ATAD2: variants seen among roughly 807,000 people sequenced by gnomAD.
ATAD2 encodes ATPase family AAA domain containing 2, also known as ATPase family AAA domain-containing protein 2.
In ATAD2, 62 loss-of-function variants were observed where a neutral mutation model predicts 168.9. The observed-to-expected ratio is 0.37, with a 90% CI of 0.30 to 0.45. The LOEUF is 0.45. ATAD2 is among the 20% of genes least tolerant of loss of function. The probability of loss-of-function intolerance (pLI) is 1.00; values close to 1 mark genes in which losing one functional copy is unlikely to be tolerated. For synonymous variants in ATAD2, 613 were observed against 571.6 expected (o/e 1.07, Z -1.03); for missense variants, 1,419 against 1,667.8 (o/e 0.85, Z 2.60).
chr8:123,405,258 TTC>T (rs1489215288), intron 1 of ATAD2, among the ~76,000 whole-genome samples: 3 of 78,492 alleles, frequency 3.8e-5, no homozygotes, highest in African/African-American at 1.2e-4. Flanking sequence ...TTTTCTTTCT[TTC>T]TTTTTTTTTT....
intron 1 of ATAD2, among the ~76,000 whole-genome samples, chr8:123,388,615 C>T (rs1586903535): frequency 6.6e-6 from 1 of 152,032 alleles, no homozygotes; most frequent in East Asian, 1.9e-4. Flanking sequence ...AACTCCTCGG[C>T]TCAAGTTATC....
chr8:123,413,034 C>T (rs1813184279), intron 1 of ATAD2, among the ~76,000 whole-genome samples: 1 of 151,990 alleles, frequency 6.6e-6, no homozygotes, highest in Admixed American at 6.6e-5. Flanking sequence ...ACTCAGAAGT[C>T]CTTCTCAAGG....
chr8:123,396,253 G>T lies in ATAD2; in HGVS notation c.105C>A (p.Gly35=), dbSNP rs1243881405. Residue 35 remains glycine, a synonymous_variant, in exon 1 of 28, where the codon GGC becomes GGA. Coordinates refer to ENST00000287394, the MANE Select transcript of ATAD2 (RefSeq NM_014109.4). ...SSDFLSLEHI[G]RRRLRSAGAA... ...CGCCGGCCGAGCGGAGCCGCCTCCG[G>T]CCGATGTGCTCCAGACTGAGGAAGT... 2 of 1,609,282 alleles carry T rather than the reference G, an allele frequency of 1.2e-6. No homozygotes were observed. The highest frequency in any genetic ancestry group is 1.7e-6 in the Non-Finnish European group (2 of 1,179,232).
At chr8:123,382,452 A>G (rs545377781) in intron 1 of ATAD2, among the ~76,000 whole-genome samples, 6 of 152,368 alleles carry the variant, frequency 3.9e-5, no homozygotes, top group African/African-American at 1.4e-4. Flanking sequence ...TATTTTTAAG[A>G]CAAATATTTA....
chr8:123,409,801 T>A (rs1038456599), intron 1 of ATAD2, among the ~76,000 whole-genome samples: 1 of 151,730 alleles, frequency 6.6e-6, no homozygotes, highest in African/African-American at 2.4e-5. Context: ...CCGGGTGTCG[T>A]GGCACACATC....
At position 123,347,395 on chromosome 8, in the gene ATAD2, C is replaced by T; in HGVS notation, c.1909G>A (p.Ala637Thr). ...TCAGCACATATTGATTTAATATCTGCTCCACAGTATCCTATCCAAAGCAAC... is the reference window on the plus strand; with the variant it reads ...TCAGCACATATTGATTTAATATCTGTTCCACAGTATCCTATCCAAAGCAAC... ...LAENCVGYCG[A>T]DIKSICAEAA... The change falls in exon 16 of 28, where the codon GCA becomes ACA. Residue 637 changes from alanine to threonine, a missense_variant. This residue lies in a region of ATAD2 where 545 missense variants were observed against 724.9 expected (regional missense o/e 0.75). Transcript: ENST00000287394. The T allele has an allele frequency of 6.2e-7, 1 of 1,609,848 alleles. No homozygotes were observed. Among genetic ancestry groups the T allele is most frequent in the Non-Finnish European group, 8.5e-7 (1 of 1,177,922 alleles).
Position 123,372,652 on chromosome 8 carries a change from CTTTT to C in ATAD2, c.351_354del (p.Glu119SerfsTer7). The C allele has an allele frequency of 6.4e-7, 1 of 1,565,888 alleles. No individual in the cohort carries two copies. Among genetic ancestry groups the C allele is most frequent in the Non-Finnish European group, 8.7e-7 (1 of 1,151,108 alleles). ...CAGTACTTACCTTCTCTGTGCTCTTCTTTTTTTTTATCAGCCTGCTGTCTGGCCA... is the reference window on the plus strand; with the variant it reads ...CAGTACTTACCTTCTCTGTGCTCTTCTTTTTATCAGCCTGCTGTCTGGCCA... On this transcript the variant is annotated frameshift_variant, in exon 3 of 28. Transcript: ENST00000287394. LOFTEE classifies it high-confidence loss of function.
intron 19 of ATAD2, among the ~76,000 whole-genome samples, chr8:123,342,218 AAGTG>A (rs773144003): frequency 1.3e-5 from 2 of 152,390 alleles, no homozygotes; most frequent in East Asian, 3.9e-4. Flanking sequence ...AGTATTGTTA[AAGTG>A]AGTAAGAAAT....
At chr8:123,345,188 A>T in intron 18 of ATAD2, 119 bp from the exon 19 acceptor site, 1 of 814,638 alleles carries the variant, frequency 1.2e-6, no homozygotes, top group Non-Finnish European at 1.7e-6. Flanking sequence ...TCAAGTTTTT[A>T]AAATGCTTCT....
At chr8:123,337,933 A>C (rs1326810589) in intron 20 of ATAD2, 112 bp from the exon 21 acceptor site, 1 of 991,868 alleles carries the variant, frequency 1.0e-6, no homozygotes, top group Non-Finnish European at 1.4e-6. Context: ...CATATATGCA[A>C]GGAATCCAAA....
In ATAD2 at chr8:123,396,312, C is replaced by T; in HGVS notation, c.46G>A (p.Ala16Thr). ...SSLELHNHSA[A>T]SATGSLDLSS... ...AGGTCCAAGGAGCCCGTGGCCGAGG[C>T]CGCGGAGTGGTTGTGCAGCTCCAAG... The change falls in exon 1 of 28, where the codon GCC (alanine) becomes ACC (threonine). Residue 16 changes from alanine to threonine, a missense_variant. Physicochemically the swap from Ala to Thr is moderately conservative, Grantham distance 58. Around this residue, in one of 5 missense-constraint regions of ATAD2, gnomAD observed 419 missense variants for 423.5 expected, o/e 0.99. Coordinates refer to ENST00000287394, the MANE Select transcript of ATAD2 (RefSeq NM_014109.4). 6.2e-7 allele frequency: 1 copy of T among 1,609,614 alleles called. No homozygotes were observed.
chr8:123,339,277 A>G (rs762156708), intron 20 of ATAD2, 34 bp downstream of exon 20: 2 of 1,450,460 alleles, frequency 1.4e-6, no homozygotes, highest in Non-Finnish European at 1.9e-6. Context: ...CTTTCTCAAA[A>G]TTATTAAATA....
At chr8:123,401,674 G>C in intron 1 of ATAD2, 6 of 787,370 alleles carry the variant, frequency 7.6e-6, no homozygotes, top group South Asian at 6.9e-5. Flanking sequence ...GTGGCATCCT[G>C]ACTGTGGGGC....
chr8:123,376,096 C>T (rs1411664291), intron 2 of ATAD2, among the ~76,000 whole-genome samples: 2 of 147,024 alleles, frequency 1.4e-5, no homozygotes, highest in Non-Finnish European at 3.0e-5. Flanking sequence ...CAGAGCAAGA[C>T]TCCGTCTCAA....
At chr8:123,393,722 G>C (rs756474555) in intron 1 of ATAD2, among the ~76,000 whole-genome samples, 1 of 151,958 alleles carries the variant, frequency 6.6e-6, no homozygotes, top group East Asian at 1.9e-4. Context: ...TTTGAGATCA[G>C]ACTGGCCAAA....
chr8:123,386,913 C>CAA (rs34555745), intron 1 of ATAD2, among the ~76,000 whole-genome samples: 32 of 90,498 alleles, frequency 3.5e-4, no homozygotes, highest in African/African-American at 1.3e-3. Flanking sequence ...ACAATGTGGG[C>CAA]AAAAAAAAAA....
At chr8:123,351,554 T>C (rs1014594196) in intron 13 of ATAD2, among the ~76,000 whole-genome samples, 1 of 152,174 alleles carries the variant, frequency 6.6e-6, no homozygotes, top group Non-Finnish European at 1.5e-5. Context: ...TTCTTTTGCA[T>C]TTATTAGCTG....
chr8:123,344,029 G>A (rs1345819224), intron 19 of ATAD2, among the ~76,000 whole-genome samples: 1 of 152,142 alleles, frequency 6.6e-6, no homozygotes, highest in African/African-American at 2.4e-5. Flanking sequence ...ACTTGTAAAT[G>A]TAAAATACTC....
chr8:123,321,130 A>G lies in ATAD2; in HGVS notation c.*4T>C. 1 of 1,608,758 alleles carries G rather than the reference A, an allele frequency of 6.2e-7. No homozygotes were observed. The highest frequency in any genetic ancestry group is 8.5e-7 in the Non-Finnish European group (1 of 1,178,500). ...TATAAAGAATACTCGATACCATGAC[A>G]TCATCATCTGGAACAACTGAAGTTT... On this transcript the variant is annotated 3_prime_UTR_variant, in exon 28 of 28. Coordinates refer to ENST00000287394, the MANE Select transcript of ATAD2 (RefSeq NM_014109.4).
Sources: allele counts gnomAD v4.1 joint callset (sites outside exome capture counted in the v4.1 genomes callset), GRCh38; gene constraint gnomAD v4.1.1; regional missense constraint gnomAD v4.1.1; transcripts MANE v1.5; gene names NCBI Gene and HGNC (gene_info 2026-07-23, HGNC 2026-07-21).